Variants in PTPRN2 observed in about 807,000 individuals in gnomAD.
The protein encoded by PTPRN2 is protein tyrosine phosphatase receptor type N2, also known as receptor-type tyrosine-protein phosphatase N2.
PTPRN2 carries 74 observed loss-of-function variants against 118.8 expected under a neutral mutation model. That is an observed-to-expected ratio of 0.62 (90% CI 0.52 to 0.76). PTPRN2 has a LOEUF of 0.76. Ranked by LOEUF, PTPRN2 falls within the 30% of genes least tolerant of loss-of-function variation. The pLI is 0.00. For missense variants in PTPRN2, 1,481 were observed against 1,394.4 expected, an observed-to-expected ratio of 1.06 and a Z score of -0.99; for synonymous variants, 641 against 608.0, an observed-to-expected ratio of 1.05 and a Z score of -0.80.
intron 3 of PTPRN2, among the ~76,000 whole-genome samples, chr7:158,262,907 TTC>T: frequency 8.2e-6 from 1 of 122,646 alleles, no homozygotes; most frequent in South Asian, 2.7e-4. Context: ...ACTGCAAACA[TTC>T]ACACTGCACA....
intron 11 of PTPRN2, among the ~76,000 whole-genome samples, chr7:157,945,077 T>G (rs1174099840): frequency 6.6e-6 from 1 of 151,934 alleles, no homozygotes; most frequent in East Asian, 1.9e-4. Context: ...GACCAGCCCC[T>G]GTGTGAGATG....
At chr7:158,530,542 C>T (rs553990211) in intron 1 of PTPRN2, among the ~76,000 whole-genome samples, 5 of 151,476 alleles carry the variant, frequency 3.3e-5, no homozygotes, top group South Asian at 4.2e-4. Context: ...TAGAGCAAGG[C>T]GGGGGGGGTT....
At chr7:157,951,289 C>T (rs992086874) in intron 11 of PTPRN2, among the ~76,000 whole-genome samples, 10 of 152,104 alleles carry the variant, frequency 6.6e-5, no homozygotes, top group South Asian at 2.1e-4. Flanking sequence ...AATTTTACTC[C>T]TTGCAAAGAT....
At chr7:158,348,293 C>T (rs12698217) in intron 2 of PTPRN2, among the ~76,000 whole-genome samples, 8 of 143,988 alleles carry the variant, frequency 5.6e-5, no homozygotes, top group Admixed American at 6.8e-5. Flanking sequence ...CCCAGAGCCA[C>T]CCTGGGTTCC....
rs529607541 is a variant in PTPRN2 at position 157,588,406 on chromosome 7, C to T, written c.2496+6832G>A. Among the ~76,000 whole-genome samples, 5 of 152,314 alleles carry T rather than the reference C, an allele frequency of 3.3e-5. No individual in the cohort carries two copies. The South Asian group carries it at 6.2e-4, about 19-fold the overall frequency. On this transcript the variant is annotated intron_variant, in intron 17 of 22. Transcript: ENST00000389418. ...GCCCGCGGCCCCTCCCCTGCCTCCC[C>T]GGCAGTCCTAATCTTACAGCTACAG...
chr7:158,337,225 T>G (rs1586351716), intron 2 of PTPRN2, among the ~76,000 whole-genome samples: 1 of 151,624 alleles, frequency 6.6e-6, no homozygotes, highest in African/African-American at 2.4e-5. Flanking sequence ...CAGACGTCAC[T>G]AACACCCACA....
At chr7:158,492,412 C>T (rs1821528126) in intron 1 of PTPRN2, among the ~76,000 whole-genome samples, 1 of 152,248 alleles carries the variant, frequency 6.6e-6, no homozygotes, top group Admixed American at 6.5e-5. Context: ...AAGAAAGCCC[C>T]TGTTTTCTTC....
At chr7:158,299,105 C>T (rs1800696139) in intron 3 of PTPRN2, among the ~76,000 whole-genome samples, 1 of 152,146 alleles carries the variant, frequency 6.6e-6, no homozygotes, top group Admixed American at 6.5e-5. Context: ...GATGTCAGTG[C>T]ATTATTAAAT....
chr7:158,139,477 G>A (rs967178695), intron 6 of PTPRN2, among the ~76,000 whole-genome samples: 10 of 151,766 alleles, frequency 6.6e-5, no homozygotes, highest in South Asian at 2.1e-4. Flanking sequence ...CCAAGCCGTC[G>A]GAGTCAGGAG....
intron 2 of PTPRN2, among the ~76,000 whole-genome samples, chr7:158,458,979 G>A (rs1004647097): frequency 9.9e-5 from 15 of 152,204 alleles, no homozygotes; most frequent in African/African-American, 3.4e-4. Flanking sequence ...GGGAAGACAC[G>A]AGAGGCAGGA....
In PTPRN2 at chr7:157,553,840, T is replaced by C. The variant is rs192596988; in HGVS notation, c.2903-4821A>G. On this transcript the variant is annotated intron_variant, in intron 21 of 22. Coordinates refer to ENST00000389418, the MANE Select transcript of PTPRN2 (RefSeq NM_002847.5). ...GACTAACTCCTTACTTCAAGTGTGG[T>C]GGAGACAGAAGCTTTCATAGAGCCC... Among the ~76,000 whole-genome samples the C allele has an allele frequency of 3.8e-3, 580 of 152,310 alleles. 1 individual carries two copies. Among genetic ancestry groups the C allele is most frequent in the Non-Finnish European group, 5.7e-3 (385 of 68,018 alleles).
intron 11 of PTPRN2, among the ~76,000 whole-genome samples, chr7:157,945,038 T>C (rs765943501): frequency 1.1e-4 from 17 of 152,102 alleles, no homozygotes; most frequent in South Asian, 4.2e-4. Context: ...TCTCTACCCA[T>C]TTTCCTGCTC....
rs1807529346 is a variant in PTPRN2, at chr7:157,831,052, C to G, written c.1788+67621G>C. Among the ~76,000 whole-genome samples the G allele has an allele frequency of 1.3e-5, 2 of 152,216 alleles. No homozygotes were observed. Among genetic ancestry groups the G allele is most frequent in the Admixed American group, 6.5e-5 (1 of 15,290 alleles). On this transcript the variant is annotated intron_variant, in intron 12 of 22. Transcript: ENST00000389418. The surrounding 1 kb of genome is among the most constrained non-coding windows in gnomAD (Gnocchi z 4.8). ...GACTGAGAGCTCAAAGTTGGTGACT[C>G]TGGAGGAAGAGGGTGCAGGTGCTCA...
rs919175251 is a variant in PTPRN2 at position 157,585,728 on chromosome 7, GAGAGGA to G, written c.2497-7594_2497-7589del. On this transcript the variant is annotated intron_variant, in intron 17 of 22. Coordinates refer to ENST00000389418, the MANE Select transcript of PTPRN2 (RefSeq NM_002847.5). The surrounding 1 kb of genome is among the most constrained non-coding windows in gnomAD (Gnocchi z 5.2). ...TGCATCAGATCCAGTTGTGAAGCAA[GAGAGGA>G]AGAGGAAGAGGAAGAGGGGAGGAGG... 1.7e-4 allele frequency among the ~76,000 whole-genome samples: 26 copies of G among 152,222 alleles called. No individual in the cohort carries two copies. Among genetic ancestry groups the G allele is most frequent in the African/African-American group, 3.9e-4 (16 of 41,462 alleles).
chr7:157,602,532 C>A (rs921411791), intron 16 of PTPRN2, among the ~76,000 whole-genome samples: 1 of 151,524 alleles, frequency 6.6e-6, no homozygotes, highest in Non-Finnish European at 1.5e-5. Flanking sequence ...GCACTGTCTG[C>A]CATCAGTGGC....
intron 2 of PTPRN2, among the ~76,000 whole-genome samples, chr7:158,320,134 CACACAGCCTCCCTTGT>C (rs1483638996): frequency 3.5e-5 from 2 of 57,070 alleles, no homozygotes; most frequent in African/African-American, 5.9e-5. Context: ...CTCCCTCACA[CACACAGCCTCCCTTGT>C]ACACACACAG....
At chr7:158,316,449 T>C (rs1049347564) in intron 3 of PTPRN2, among the ~76,000 whole-genome samples, 10 of 152,126 alleles carry the variant, frequency 6.6e-5, no homozygotes, top group Non-Finnish European at 1.0e-4. Context: ...GCAACAAAAA[T>C]TTCACAACAG....
chr7:158,547,071 G>A (rs998418351), intron 1 of PTPRN2, among the ~76,000 whole-genome samples: 1 of 152,164 alleles, frequency 6.6e-6, no homozygotes, highest in Non-Finnish European at 1.5e-5. Flanking sequence ...CCACACCACC[G>A]ATGTCAGGGG....
chr7:158,006,786 C>CA lies in PTPRN2; in HGVS notation c.1723+74511dup, dbSNP rs532928624. The stretch of plus-strand genomic sequence containing the variant: ...TGACTGGGGCCACCCTGGCTGTACC[C>CA]ACATTTCCAAAAGTAAACCTGTAAC... On this transcript the variant is annotated intron_variant, in intron 11 of 22. Transcript: ENST00000389418. Among the ~76,000 whole-genome samples, 94 of 152,278 alleles carry CA rather than the reference C, an allele frequency of 6.2e-4. 1 individual carries two copies. The highest frequency in any genetic ancestry group is 2.2e-3 in the African/African-American group (90 of 41,560).
Sources: gnomAD v4.1 joint callset for allele counts (sites outside exome capture counted in the v4.1 genomes callset) on GRCh38, gnomAD v4.1.1 for gene constraint, Gnocchi (gnomAD v3.1) non-coding constraint, MANE v1.5 for transcripts, NCBI Gene and HGNC (gene_info 2026-07-23, HGNC 2026-07-21) for gene names.